Variants in TMEM132C observed in about 807,000 individuals in gnomAD.
The protein encoded by TMEM132C is protein phosphatase 1, regulatory subunit 152.
Under a neutral mutation model 61.4 loss-of-function variants are expected in TMEM132C, and 29 were observed. The observed-to-expected ratio is 0.47, with a 90% CI of 0.35 to 0.64. The LOEUF (loss-of-function observed/expected upper bound fraction) is 0.64. TMEM132C is among the 30% of genes least tolerant of loss of function. The pLI is 0.00. For synonymous variants in TMEM132C, 656 were observed against 633.1 expected, an observed-to-expected ratio of 1.04 and a Z score of -0.54; for missense variants, 1,408 against 1,476.9, an observed-to-expected ratio of 0.95 and a Z score of 0.76.
intron 1 of TMEM132C, among the ~76,000 whole-genome samples, chr12:128,354,935 G>A (rs1221981778): frequency 1.3e-5 from 2 of 152,224 alleles, no homozygotes; most frequent in East Asian, 3.9e-4. Context: ...CAGGTCAGGG[G>A]ACAAGTGCCT....
intron 2 of TMEM132C, among the ~76,000 whole-genome samples, chr12:128,446,301 T>G (rs1869978436): frequency 6.6e-6 from 1 of 152,198 alleles, no homozygotes; most frequent in Non-Finnish European, 1.5e-5. Flanking sequence ...AAGTTCTAGA[T>G]GCTGGGCCAT....
intron 3 of TMEM132C, among the ~76,000 whole-genome samples, chr12:128,611,240 G>A (rs183096531): frequency 1.5e-4 from 23 of 152,296 alleles, no homozygotes; most frequent in Non-Finnish European, 2.9e-4. Context: ...TGACATGTGT[G>A]TGCTCCCCTT....
At chr12:128,648,861 A>T (rs1322970175) in intron 4 of TMEM132C, among the ~76,000 whole-genome samples, 1 of 141,576 alleles carries the variant, frequency 7.1e-6, no homozygotes. Context: ...TCAGCATTGG[A>T]TGAGTGTGTT....
chr12:128,398,111 G>A (rs1720933618), intron 1 of TMEM132C, among the ~76,000 whole-genome samples: 1 of 152,238 alleles, frequency 6.6e-6, no homozygotes, highest in South Asian at 2.1e-4. Flanking sequence ...AGCGGATGCT[G>A]AGCATCAGTC....
rs1347601406 is a variant in TMEM132C, at chr12:128,278,551, C to A, written c.85+11064C>A. 3.9e-5 allele frequency among the ~76,000 whole-genome samples: 6 copies of A among 152,136 alleles called. No homozygotes were observed. Among genetic ancestry groups the A allele is most frequent in the Admixed American group, 1.3e-4 (2 of 15,276 alleles). ...CCGATGCCATGGAGGTGACAGCTGG[C>A]AGTGGTTTGACTGTGTGGTTGCCTG... On this transcript the variant is annotated intron_variant, in intron 1 of 8. Transcript: ENST00000435159. This position sits in a 1 kb window ranked among gnomAD's most constrained non-coding sequence, Gnocchi z 4.2.
chr12:128,310,521 C>A (rs1427729739), intron 1 of TMEM132C, among the ~76,000 whole-genome samples: 4 of 151,906 alleles, frequency 2.6e-5, no homozygotes, highest in Non-Finnish European at 4.4e-5. Context: ...CACAAGGGAG[C>A]AAGCAAGAGA....
At chr12:128,537,160 A>T (rs10847640) in intron 2 of TMEM132C, among the ~76,000 whole-genome samples, 7 of 152,002 alleles carry the variant, frequency 4.6e-5, no homozygotes, top group East Asian at 3.9e-4. Context: ...GCCCTCTGAC[A>T]TCAAAAGATG....
chr12:128,506,643 G>A (rs188876772), intron 2 of TMEM132C, among the ~76,000 whole-genome samples: 51 of 152,244 alleles, frequency 3.3e-4, no homozygotes, highest in African/African-American at 9.9e-4. Context: ...CCTGGCTTCC[G>A]TCTCCCTTCC....
rs549307929 is a variant in TMEM132C at position 128,460,299 on chromosome 12, C to T, written c.974+44679C>T. Reference sequence around the variant, plus strand: ...TCACCAGGACTGCCTTTAGACCCATCTCTCACCCCTGCTTTCTTCTGTGAT... The same window carrying T: ...TCACCAGGACTGCCTTTAGACCCATTTCTCACCCCTGCTTTCTTCTGTGAT... On this transcript the variant is annotated intron_variant, in intron 2 of 8. Transcript: ENST00000435159. Among the ~76,000 whole-genome samples, 6 of 152,300 alleles carry T rather than the reference C, an allele frequency of 3.9e-5. No homozygotes were observed. In the South Asian group the frequency reaches 8.3e-4, roughly 21 times the overall value.
intron 3 of TMEM132C, among the ~76,000 whole-genome samples, chr12:128,551,376 T>C (rs913089769): frequency 6.6e-6 from 1 of 152,110 alleles, no homozygotes; most frequent in Non-Finnish European, 1.5e-5. Context: ...ACCATCTGTC[T>C]ATAAACACTC....
chr12:128,440,330 C>G (rs1317104903), intron 2 of TMEM132C, among the ~76,000 whole-genome samples: 2 of 152,208 alleles, frequency 1.3e-5, no homozygotes, highest in Non-Finnish European at 2.9e-5. Context: ...AGAATCCACT[C>G]TAGCTGGGTT....
intron 2 of TMEM132C, among the ~76,000 whole-genome samples, chr12:128,525,680 C>T (rs1873063702): frequency 6.6e-6 from 1 of 152,138 alleles, no homozygotes; most frequent in Non-Finnish European, 1.5e-5. Flanking sequence ...CCCTGTCAAG[C>T]TGGAAGTGAC....
At chr12:128,546,545 G>A (rs989382693) in intron 3 of TMEM132C, among the ~76,000 whole-genome samples, 1 of 152,136 alleles carries the variant, frequency 6.6e-6, no homozygotes, top group African/African-American at 2.4e-5. Flanking sequence ...GGTAAGCATT[G>A]TGCATGAGTT....
In TMEM132C at chr12:128,589,944, T is replaced by TA. The variant is rs556386818; in HGVS notation, c.1122-26207dup. On this transcript the variant is annotated intron_variant, in intron 3 of 8. Coordinates refer to ENST00000435159, the MANE Select transcript of TMEM132C (RefSeq NM_001136103.3). ...TCTTATTCATCATCATCGTTGTTGTTACGTTTGAAGCAACAAAGTTTCATG... is the reference window on the plus strand; with the variant it reads ...TCTTATTCATCATCATCGTTGTTGTTAACGTTTGAAGCAACAAAGTTTCATG... Among the ~76,000 whole-genome samples, 170 of 152,344 alleles carry TA rather than the reference T, an allele frequency of 1.1e-3. 1 individual carries two copies. The highest frequency in any genetic ancestry group is 1.8e-3 in the Non-Finnish European group (122 of 68,026).
intron 2 of TMEM132C, among the ~76,000 whole-genome samples, chr12:128,448,176 C>T (rs371924161): frequency 8.5e-5 from 13 of 152,136 alleles, no homozygotes; most frequent in African/African-American, 3.1e-4. Flanking sequence ...ATCACTGTTT[C>T]AAAATCACAT....
At chr12:128,684,082 C>T (rs978879882) in intron 5 of TMEM132C, among the ~76,000 whole-genome samples, 6 of 152,170 alleles carry the variant, frequency 3.9e-5, no homozygotes, top group Admixed American at 2.0e-4. Flanking sequence ...CGTCACCTCA[C>T]GAGAGAGGTC....
chr12:128,631,991 G>A (rs1285975172), intron 4 of TMEM132C, among the ~76,000 whole-genome samples: 1 of 152,156 alleles, frequency 6.6e-6, no homozygotes, highest in Admixed American at 6.5e-5. Context: ...TAATTGGAGT[G>A]GGGATGGGGG....
At chr12:128,487,560 C>A (rs1288211773) in intron 2 of TMEM132C, among the ~76,000 whole-genome samples, 1 of 150,362 alleles carries the variant, frequency 6.7e-6, no homozygotes, top group African/African-American at 2.5e-5. Flanking sequence ...TTAAGTGCCC[C>A]ATGTAATCAG....
chr12:128,688,854 T>C (rs1280823849), intron 5 of TMEM132C, among the ~76,000 whole-genome samples: 3 of 152,218 alleles, frequency 2.0e-5, no homozygotes, highest in African/African-American at 7.2e-5. Context: ...AGTTCAGTGG[T>C]GCGATCTCAG....
Sources: gnomAD v4.1 joint callset for allele counts (sites outside exome capture counted in the v4.1 genomes callset) on GRCh38, gnomAD v4.1.1 for gene constraint, Gnocchi (gnomAD v3.1) non-coding constraint, MANE v1.5 for transcripts, NCBI Gene and HGNC (gene_info 2026-07-23, HGNC 2026-07-21) for gene names.